UBE4A: variants seen among roughly 807,000 people sequenced by gnomAD.
The protein encoded by UBE4A is ubiquitination factor E4A, also known as ubiquitin conjugation factor E4 A.
In UBE4A, 48 loss-of-function variants were observed where a neutral mutation model predicts 117.9. The ratio of observed to expected loss-of-function variants is 0.41; its 90% CI spans 0.32 to 0.52. UBE4A has a LOEUF of 0.52. Among genes scored for constraint, UBE4A ranks in the 20% least tolerant of loss-of-function variants. UBE4A has a pLI of 0.33. For missense variants in UBE4A, 1,067 were observed against 1,296.3 expected (o/e 0.82, Z 2.72); for synonymous variants, 407 against 450.0 (o/e 0.90, Z 1.21).
chr11:118,379,418 C>T (rs782197150), intron 10 of UBE4A, 28 bp from the exon 11 acceptor site: 45 of 1,598,890 alleles, frequency 2.8e-5, no homozygotes, highest in Non-Finnish European at 3.8e-5. Flanking sequence ...TTTCCCTGAC[C>T]CAGTCTCTTC....
At chr11:118,367,562 C>G (rs1018373693) in intron 2 of UBE4A, among the ~76,000 whole-genome samples, 2 of 148,804 alleles carry the variant, frequency 1.3e-5, no homozygotes, top group Non-Finnish European at 3.0e-5. Flanking sequence ...GCTCTGTCAC[C>G]GAGGCTGGAG....
intron 10 of UBE4A, chr11:118,378,452 A>T (rs904979618): frequency 6.6e-6 from 1 of 152,200 alleles, no homozygotes; most frequent in African/African-American, 2.4e-5. Flanking sequence ...GGTTCTGGCT[A>T]TTCATTATTC....
intron 18 of UBE4A, among the ~76,000 whole-genome samples, chr11:118,391,623 T>A (rs545030756): frequency 4.0e-5 from 6 of 150,658 alleles, no homozygotes; most frequent in Non-Finnish European, 8.9e-5. Flanking sequence ...TGAAACCCCA[T>A]CTCTACTAAA....
chr11:118,370,778 A>T (rs947858959), intron 4 of UBE4A, among the ~76,000 whole-genome samples: 1 of 152,216 alleles, frequency 6.6e-6, no homozygotes, highest in Admixed American at 6.5e-5. Flanking sequence ...ACCAAAGGAC[A>T]CATACCATGA....
intron 19 of UBE4A, 49 bp from the exon 20 acceptor site, chr11:118,396,265 G>A: frequency 6.3e-7 from 1 of 1,583,574 alleles, no homozygotes; most frequent in Non-Finnish European, 8.6e-7. Context: ...GGCTTAGAAT[G>A]TTAGAACTTA....
At position 118,389,764 on chromosome 11, in the gene UBE4A, G is replaced by A. The variant is rs1457136613; in HGVS notation, c.2627G>A (p.Arg876His). Reference sequence around the variant, plus strand: ...TTTGTGCATCCCTTCCTGGCTGAGCGCATCATCTCCATGTTGAACTACTTC... The same window carrying A: ...TTTGTGCATCCCTTCCTGGCTGAGCACATCATCTCCATGTTGAACTACTTC... ...SLFVHPFLAE[R>H]IISMLNYFLQ... The change falls in exon 17 of 20, where the codon CGC (arginine) becomes CAC (histidine). Residue 876 changes from arginine (R) to histidine (H), a missense_variant. Around this residue, in one of 3 missense-constraint regions of UBE4A, gnomAD observed 1,001 missense variants for 1,184.0 expected, o/e 0.85. Transcript: ENST00000252108. The A allele has an allele frequency of 4.3e-6, 7 of 1,612,822 alleles. No homozygotes were observed. Among genetic ancestry groups the A allele is most frequent in the East Asian group, 2.2e-5 (1 of 44,882 alleles).
chr11:118,396,350 C>T lies in UBE4A; in HGVS notation c.3111C>T (p.Thr1037=), dbSNP rs1555129712. Reference sequence around the variant, plus strand: ...ATCCCTTTAACCGTAGTCCCCTCACCATGGACCAGATCCGGCCAAACACAG... The same window carrying T: ...ATCCCTTTAACCGTAGTCCCCTCACTATGGACCAGATCCGGCCAAACACAG... ...QTDPFNRSPL[T]MDQIRPNTEL... Residue 1037 remains threonine (T), a synonymous_variant, in exon 20 of 20, where the codon ACC becomes ACT. Coordinates refer to ENST00000252108, the MANE Select transcript of UBE4A (RefSeq NM_001204077.2). The T allele has an allele frequency of 1.2e-6, 2 of 1,613,772 alleles. No homozygotes were observed. The highest frequency in any genetic ancestry group is 1.7e-6 in the Non-Finnish European group (2 of 1,179,874).
At chr11:118,385,902 A>G (rs1313257535) in intron 15 of UBE4A, among the ~76,000 whole-genome samples, 1 of 152,244 alleles carries the variant, frequency 6.6e-6, no homozygotes, top group Non-Finnish European at 1.5e-5. Context: ...CAAAGCATGA[A>G]GCAGATGGTA....
Position 118,372,494 on chromosome 11 carries a change from A to G in UBE4A, c.562-13A>G, listed in dbSNP as rs780588522. The G allele has an allele frequency of 3.8e-6, 6 of 1,597,736 alleles. No individual in the cohort carries two copies. The South Asian group carries it at 4.5e-5, about 12-fold the overall frequency. ...AGTTAGACTATTCCCTCTTTTCTTC[A>G]TGCTGTTTGCAGATTACCAAAGTTC... On this transcript the variant is annotated splice_polypyrimidine_tract_variant and intron_variant, in intron 5 of 19. Transcript: ENST00000252108.
At position 118,379,445 on chromosome 11, in the gene UBE4A, G is replaced by A; in HGVS notation, c.1572-1G>A. On this transcript the variant is annotated splice_acceptor_variant, in intron 10 of 19. Coordinates refer to ENST00000252108, the MANE Select transcript of UBE4A (RefSeq NM_001204077.2). LOFTEE classifies it high-confidence loss of function. The stretch of plus-strand genomic sequence containing the variant: ...AGTCTCTTCTGCTTTCTTGGGGGCA[G>A]GTTGCATGATCAGATGGTAAAAATC... The A allele has an allele frequency of 6.2e-7, 1 of 1,610,692 alleles. No homozygotes were observed. Among genetic ancestry groups the A allele is most frequent in the Non-Finnish European group, 8.5e-7 (1 of 1,177,592 alleles).
In UBE4A at chr11:118,375,159, T is replaced by C; in HGVS notation, c.1380T>C (p.Phe460=). The change falls in exon 9 of 20, where the codon TTT becomes TTC. Residue 460 remains phenylalanine (F), a synonymous_variant. Coordinates refer to ENST00000252108, the MANE Select transcript of UBE4A (RefSeq NM_001204077.2). ...CCAGATCCTCTCGGCTCCTCACCTT[T>C]AATCCCACATACTGTGCCCTCAAGG... is the stretch of plus-strand genomic sequence containing the variant. ...CKPRSSRLLT[F]NPTYCALKEL... 1 of 1,614,136 alleles carries C rather than the reference T, an allele frequency of 6.2e-7. No homozygotes were observed. Among genetic ancestry groups the C allele is most frequent in the Non-Finnish European group, 8.5e-7 (1 of 1,180,010 alleles).
Position 118,365,198 on chromosome 11 carries a change from T to C in UBE4A, c.118T>C (p.Ser40Pro). ...CCAAAAAGAGCAGCTGAAGCAACAA[T>C]CTGGTAAGTGGAGGAGCCAATAGCA... ...AIQKEQLKQQ[S>P]DELPASPDDS... Residue 40 changes from serine (S) to proline (P), a missense_variant, in exon 2 of 20, where the codon TCT becomes CCT. Transcript: ENST00000252108. 6.2e-7 allele frequency: 1 copy of C among 1,606,390 alleles called. No homozygotes were observed.
intron 12 of UBE4A, 98 bp downstream of exon 12, chr11:118,381,621 T>C: frequency 4.0e-6 from 6 of 1,499,158 alleles, no homozygotes; most frequent in Non-Finnish European, 3.6e-6. Flanking sequence ...CATAAGGGGT[T>C]GCCTTCAGAA....
At chr11:118,394,224 C>T (rs1280978843) in intron 19 of UBE4A, among the ~76,000 whole-genome samples, 1 of 152,136 alleles carries the variant, frequency 6.6e-6, no homozygotes, top group Non-Finnish European at 1.5e-5. Flanking sequence ...GGCATGATCT[C>T]AGCTTACTGT....
chr11:118,380,045 A>G (rs1948687165), intron 11 of UBE4A, among the ~76,000 whole-genome samples: 1 of 151,996 alleles, frequency 6.6e-6, no homozygotes, highest in African/African-American at 2.4e-5. Context: ...CAACTTACAC[A>G]TTCATCTAAC....
At chr11:118,380,226 G>A (rs1029353962) in intron 11 of UBE4A, among the ~76,000 whole-genome samples, 9 of 151,362 alleles carry the variant, frequency 5.9e-5, no homozygotes, top group African/African-American at 1.9e-4. Flanking sequence ...ATCAGGTTAT[G>A]TGTTCTTAAC....
At chr11:118,386,321 A>C (rs1948757302) in intron 15 of UBE4A, 117 bp from the exon 16 acceptor site, 1 of 1,153,530 alleles carries the variant, frequency 8.7e-7, no homozygotes, top group Non-Finnish European at 1.2e-6. Context: ...CATGTCTTTT[A>C]CATGGTCCCT....
chr11:118,389,936 G>C, intron 17 of UBE4A, 31 bp downstream of exon 17: 1 of 1,507,492 alleles, frequency 6.6e-7, no homozygotes, highest in Non-Finnish European at 9.0e-7. Flanking sequence ...TCAAGCCAGA[G>C]GGGATGCTGT....
intron 10 of UBE4A, among the ~76,000 whole-genome samples, chr11:118,377,471 G>C (rs1487205436): frequency 6.6e-6 from 1 of 151,848 alleles, no homozygotes; most frequent in East Asian, 1.9e-4. Context: ...GCCTCCCAAA[G>C]TGCTGGGATT....
Sources: allele counts gnomAD v4.1 joint callset (sites outside exome capture counted in the v4.1 genomes callset), GRCh38; gene constraint gnomAD v4.1.1; regional missense constraint gnomAD v4.1.1; transcripts MANE v1.5; gene names NCBI Gene and HGNC (gene_info 2026-07-23, HGNC 2026-07-21).